CFAP47: variants seen among roughly 807,000 people sequenced by gnomAD.
CFAP47 encodes the protein cilia and flagella associated protein 47.
In CFAP47, 29 loss-of-function variants were observed where a neutral mutation model predicts 148.1. The ratio of observed to expected loss-of-function variants is 0.20; its 90% CI spans 0.15 to 0.27. CFAP47 has a LOEUF of 0.27. Ranked by LOEUF, CFAP47 falls within the 10% of genes least tolerant of loss-of-function variation. CFAP47 has a pLI of 1.00. For missense variants in CFAP47, 1,872 were observed against 1,697.5 expected, an observed-to-expected ratio of 1.10 and a Z score of -1.81; for synonymous variants, 664 against 577.3, an observed-to-expected ratio of 1.15 and a Z score of -2.15.
intron 51 of CFAP47, among the ~76,000 whole-genome samples, chrX:36,296,385 C>G (rs782278055): frequency 9.8e-5 from 11 of 111,753 alleles, no homozygotes; most frequent in African/African-American, 3.2e-4. Flanking sequence ...ATATTTATTC[C>G]TCTTTAGACC....
At chrX:36,092,618 A>ATTT (rs1197224942) in intron 30 of CFAP47, among the ~76,000 whole-genome samples, 1 of 102,006 alleles carries the variant, frequency 9.8e-6, no homozygotes, top group African/African-American at 3.5e-5. Context: ...TATAACTTTT[A>ATTT]TTTTTTTTTT....
intron 42 of CFAP47, among the ~76,000 whole-genome samples, chrX:36,199,975 C>A (rs1939961981): frequency 8.9e-6 from 1 of 111,892 alleles, no homozygotes; most frequent in South Asian, 3.7e-4. Flanking sequence ...TGAAAGCCTG[C>A]ACTTTAAAAT....
At chrX:36,229,662 A>G (rs1940315957) in intron 46 of CFAP47, among the ~76,000 whole-genome samples, 1 of 109,725 alleles carries the variant, frequency 9.1e-6, no homozygotes, top group African/African-American at 3.3e-5. Flanking sequence ...CACAATCTGC[A>G]GGTTAGTTAC....
At chrX:36,089,018 A>T (rs1198032716) in intron 30 of CFAP47, among the ~76,000 whole-genome samples, 1 of 111,824 alleles carries the variant, frequency 8.9e-6, no homozygotes, top group Non-Finnish European at 1.9e-5. Flanking sequence ...AGCAACTCAC[A>T]TCCCCTTATA....
At chrX:36,172,110 G>T (rs1452905355) in intron 39 of CFAP47, among the ~76,000 whole-genome samples, 2 of 107,376 alleles carry the variant, frequency 1.9e-5, no homozygotes, top group Non-Finnish European at 3.9e-5. Context: ...GTCTGTCGTT[G>T]GTGTATAAGA....
chrX:36,252,287 A>G lies in CFAP47; in HGVS notation c.7444+843A>G, dbSNP rs372802461. Among the ~76,000 whole-genome samples the G allele has an allele frequency of 1.0e-4, 11 of 109,184 alleles. 1 individual carries two copies. The East Asian group carries it at 2.6e-3, about 26-fold the overall frequency. The allele number at this position is 109,184 out of a possible 115,157, so 94.8% of individuals were successfully genotyped here. ...AACAAAGTGTTTGAGGGAAGGGTTT[A>G]TATCTAGTATAGAAGCGATAGTGAG... On this transcript the variant is annotated intron_variant, in intron 49 of 63. Coordinates refer to ENST00000378653, the MANE Select transcript of CFAP47 (RefSeq NM_001304548.2).
intron 49 of CFAP47, among the ~76,000 whole-genome samples, chrX:36,280,238 A>G (rs1416098033): frequency 9.0e-6 from 1 of 111,442 alleles, no homozygotes; most frequent in African/African-American, 3.3e-5. Flanking sequence ...AAATTATCTT[A>G]GAAAAGTTGT....
intron 29 of CFAP47, among the ~76,000 whole-genome samples, chrX:36,074,066 G>A (rs766148833): frequency 3.6e-5 from 4 of 111,318 alleles, no homozygotes; most frequent in Admixed American, 9.6e-5. Context: ...GAGTGACCTA[G>A]GTAAAACTAA....
intron 2 of CFAP47, among the ~76,000 whole-genome samples, chrX:35,929,926 G>A (rs991388288): frequency 9.0e-6 from 1 of 111,192 alleles, no homozygotes; most frequent in Non-Finnish European, 1.9e-5. Context: ...CTGAGCCTGG[G>A]AGGTGGAGGT....
intron 57 of CFAP47, among the ~76,000 whole-genome samples, chrX:36,320,611 A>C: frequency 8.9e-6 from 1 of 112,427 alleles, no homozygotes; most frequent in East Asian, 2.8e-4. Context: ...CAATGCATTA[A>C]AAAGAGTATG....
chrX:36,130,887 G>A (rs1016738454), intron 33 of CFAP47, among the ~76,000 whole-genome samples: 1 of 111,008 alleles, frequency 9.0e-6, no homozygotes, highest in African/African-American at 3.3e-5. Flanking sequence ...AACAACTAAA[G>A]TCATGGACAG....
At chrX:35,990,886 A>T (rs1936781575) in intron 16 of CFAP47, among the ~76,000 whole-genome samples, 1 of 111,523 alleles carries the variant, frequency 9.0e-6, no homozygotes, top group Middle Eastern at 4.2e-3. Context: ...GCTGAAAAAA[A>T]TTGTGTCATG....
intron 2 of CFAP47, among the ~76,000 whole-genome samples, chrX:35,937,784 CATTT>C (rs1456813065): frequency 1.8e-5 from 2 of 111,058 alleles, no homozygotes; most frequent in Admixed American, 9.6e-5. Context: ...GGAGTGAGCA[CATTT>C]ATTTTTACTT....
At chrX:36,325,672 T>C (rs1041657187) in intron 57 of CFAP47, among the ~76,000 whole-genome samples, 9 of 110,736 alleles carry the variant, frequency 8.1e-5, no homozygotes, top group South Asian at 3.9e-4. Flanking sequence ...GCACTGAAGC[T>C]AGGATAGCTC....
chrX:36,233,424 C>T (rs1277368475), intron 46 of CFAP47, among the ~76,000 whole-genome samples: 4 of 111,127 alleles, frequency 3.6e-5, no homozygotes, highest in Non-Finnish European at 7.5e-5. Flanking sequence ...TTATCAGAGA[C>T]TAGGATTGCA....
intron 49 of CFAP47, among the ~76,000 whole-genome samples, chrX:36,259,268 G>A (rs1173983301): frequency 9.0e-6 from 1 of 111,058 alleles, no homozygotes; most frequent in Non-Finnish European, 1.9e-5. Flanking sequence ...AATGTAGCAA[G>A]TGCTAGAAAA....
At chrX:36,146,531 GAAAT>G (rs746128330) in intron 36 of CFAP47, among the ~76,000 whole-genome samples, 19 of 111,265 alleles carry the variant, frequency 1.7e-4, no homozygotes, top group African/African-American at 5.9e-4. Flanking sequence ...TTTGAAAGAA[GAAAT>G]AAATAAAATG....
chrX:36,332,809 C>T (rs1356364855), intron 57 of CFAP47, among the ~76,000 whole-genome samples: 1 of 111,858 alleles, frequency 8.9e-6, no homozygotes, highest in Admixed American at 9.5e-5. Context: ...ATTTTGCAAC[C>T]GAGTACTCAA....
At chrX:35,987,029 G>A (rs1322270314) in intron 15 of CFAP47, among the ~76,000 whole-genome samples, 1 of 111,575 alleles carries the variant, frequency 9.0e-6, no homozygotes, top group Admixed American at 9.5e-5. Context: ...CCTCCCGCAT[G>A]AGGTGTCTGT....
Sources: allele counts gnomAD v4.1 joint callset (sites outside exome capture counted in the v4.1 genomes callset), GRCh38; gene constraint gnomAD v4.1.1; transcripts MANE v1.5; gene names NCBI Gene and HGNC (gene_info 2026-07-23, HGNC 2026-07-21).